UNC13C: variants seen among roughly 807,000 people sequenced by gnomAD.
UNC13C encodes the protein protein unc-13 homolog C.
In UNC13C, 174 loss-of-function variants were observed where a neutral mutation model predicts 245.4. The ratio of observed to expected loss-of-function variants is 0.71; its 90% CI spans 0.63 to 0.80. The LOEUF is 0.80. UNC13C is among the 30% of genes least tolerant of loss of function. The pLI, the probability that UNC13C is intolerant of heterozygous loss-of-function variation, is 0.00. For synonymous variants in UNC13C, 992 were observed against 895.1 expected (o/e 1.11, Z -1.93); for missense variants, 2,829 against 2,602.9 (o/e 1.09, Z -1.89).
intron 2 of UNC13C, among the ~76,000 whole-genome samples, chr15:54,129,518 T>C (rs1051760922): frequency 2.0e-5 from 3 of 152,134 alleles, no homozygotes; most frequent in South Asian, 2.1e-4. Flanking sequence ...TATTCTTTCA[T>C]AGGGAGAATT....
chr15:54,024,469 A>T (rs1416046749), intron 2 of UNC13C, among the ~76,000 whole-genome samples: 3 of 152,170 alleles, frequency 2.0e-5, no homozygotes, highest in African/African-American at 7.2e-5. Flanking sequence ...TTTGATGCTG[A>T]GTCCAAGGGA....
chr15:54,405,028 A>G (rs749516093), intron 18 of UNC13C, among the ~76,000 whole-genome samples: 1 of 152,130 alleles, frequency 6.6e-6, no homozygotes, highest in African/African-American at 2.4e-5. Flanking sequence ...TCTAAATAAT[A>G]TTTTCCTGTC....
intron 4 of UNC13C, among the ~76,000 whole-genome samples, chr15:54,169,886 C>T (rs995971346): frequency 1.3e-5 from 2 of 151,988 alleles, no homozygotes; most frequent in African/African-American, 2.4e-5. Flanking sequence ...CTTCAGGGAA[C>T]ATTTCGCAGT....
intron 2 of UNC13C, among the ~76,000 whole-genome samples, chr15:54,016,642 T>A (rs1895673435): frequency 6.6e-6 from 1 of 152,226 alleles, no homozygotes; most frequent in Non-Finnish European, 1.5e-5. Context: ...GGAACAACTT[T>A]GGATTATATA....
rs767857087 is a variant in UNC13C at position 54,264,414 on chromosome 15, A to C, written c.3676+19A>C. 2 of 1,537,408 alleles carry C rather than the reference A, an allele frequency of 1.3e-6. No individual in the cohort carries two copies. Among genetic ancestry groups the C allele is most frequent in the Admixed American group, 3.9e-5 (2 of 50,754 alleles). On this transcript the variant is annotated intron_variant, in intron 9 of 32. Coordinates refer to ENST00000260323, the MANE Select transcript of UNC13C (RefSeq NM_001080534.3). The stretch of plus-strand genomic sequence containing the variant: ...ATTACAGGTAAAAATAAGTCTTCTT[A>C]AAAATTTGTATTGTAAATTGAGATT...
intron 1 of UNC13C, among the ~76,000 whole-genome samples, chr15:54,008,664 C>G (rs1895248581): frequency 6.6e-6 from 1 of 152,052 alleles, no homozygotes; most frequent in Admixed American, 6.6e-5. Flanking sequence ...TCTCATCTAC[C>G]TTGAGTTTTT....
chr15:54,621,597 A>G (rs907372403), intron 30 of UNC13C, among the ~76,000 whole-genome samples: 7 of 152,194 alleles, frequency 4.6e-5, no homozygotes, highest in African/African-American at 1.7e-4. Flanking sequence ...AGTTTGGGGA[A>G]AAATGTGTAT....
chr15:54,323,903 G>T (rs1022929587), intron 14 of UNC13C, among the ~76,000 whole-genome samples: 2 of 152,026 alleles, frequency 1.3e-5, no homozygotes, highest in African/African-American at 4.8e-5. Flanking sequence ...AGAAAGATGT[G>T]TTTAAGTGAT....
rs529846567 is a variant in UNC13C at position 54,256,624 on chromosome 15, C to T, written c.3448+6180C>T. ...ATAGATGTTACTCACCCCATAGTCACTTAGTAGCTTTCTTGGTGATCAGAT... is the reference window on the plus strand; with the variant it reads ...ATAGATGTTACTCACCCCATAGTCATTTAGTAGCTTTCTTGGTGATCAGAT... On this transcript the variant is annotated intron_variant, in intron 8 of 32. Transcript: ENST00000260323. Among the ~76,000 whole-genome samples, 7 of 152,254 alleles carry T rather than the reference C, an allele frequency of 4.6e-5. No individual in the cohort carries two copies. The South Asian group carries it at 1.2e-3, about 27-fold the overall frequency.
chr15:54,509,784 A>G (rs1894653198), intron 23 of UNC13C, among the ~76,000 whole-genome samples: 1 of 152,182 alleles, frequency 6.6e-6, no homozygotes. Flanking sequence ...AATTTGTATA[A>G]TCTGTTCCCA....
At chr15:54,554,825 C>G (rs1015884446) in intron 28 of UNC13C, among the ~76,000 whole-genome samples, 2 of 151,830 alleles carry the variant, frequency 1.3e-5, no homozygotes, top group African/African-American at 4.8e-5. Context: ...TTGAAACAGA[C>G]CACAGTGAAC....
chr15:54,320,035 T>G (rs988191118), intron 13 of UNC13C, among the ~76,000 whole-genome samples: 1 of 152,004 alleles, frequency 6.6e-6, no homozygotes, highest in Non-Finnish European at 1.5e-5. Context: ...TAATTAAATC[T>G]TGTCTGTAAC....
At chr15:54,328,765 C>A (rs1312476505) in intron 14 of UNC13C, among the ~76,000 whole-genome samples, 1 of 151,968 alleles carries the variant, frequency 6.6e-6, no homozygotes, top group Non-Finnish European at 1.5e-5. Flanking sequence ...CACTAACTCA[C>A]CAACTGGTTT....
At chr15:53,942,402 T>C in the UNC13C span, among the ~76,000 whole-genome samples, 594 of 151,902 alleles carry the variant, frequency 3.9e-3, 4 homozygotes, top group Non-Finnish European at 5.3e-3. Context: ...GGCCTGTTGG[T>C]GGGGATGAGG....
the UNC13C span, among the ~76,000 whole-genome samples, chr15:53,856,824 G>A: frequency 6.6e-6 from 1 of 152,142 alleles, no homozygotes; most frequent in Non-Finnish European, 1.5e-5. Context: ...TTCAGGTCCT[G>A]AATATCTTTG....
At chr15:53,917,957 G>C in the UNC13C span, among the ~76,000 whole-genome samples, 1 of 152,168 alleles carries the variant, frequency 6.6e-6, no homozygotes, top group Non-Finnish European at 1.5e-5. Context: ...ATAATGTTGA[G>C]TTTAGCATGT....
upstream of UNC13C, among the ~76,000 whole-genome samples, chr15:53,976,356 C>T (rs935923939): frequency 3.9e-5 from 6 of 151,994 alleles, no homozygotes; most frequent in Admixed American, 3.3e-4. Flanking sequence ...CTAATGATTA[C>T]CACCCCTGGT....
intron 11 of UNC13C, among the ~76,000 whole-genome samples, chr15:54,295,843 C>T (rs2037415438): frequency 6.6e-6 from 1 of 152,164 alleles, no homozygotes; most frequent in Non-Finnish European, 1.5e-5. Flanking sequence ...TACCTACCCA[C>T]CCTCAGTAGT....
rs941539108 is a variant in UNC13C at position 54,323,104 on chromosome 15, C to T, written c.4425+1009C>T. ...TCCACTGCACTTCCAATTTAGTTTA[C>T]TGAATATATTTTTGTTACAGAGTAT... On this transcript the variant is annotated intron_variant, in intron 14 of 32. Coordinates refer to ENST00000260323, the MANE Select transcript of UNC13C (RefSeq NM_001080534.3). 2.0e-5 allele frequency among the ~76,000 whole-genome samples: 3 copies of T among 150,738 alleles called. No homozygotes were observed. In the East Asian group the frequency reaches 5.9e-4, roughly 30 times the overall value.
Sources: allele counts gnomAD v4.1 joint callset (sites outside exome capture counted in the v4.1 genomes callset), GRCh38; gene constraint gnomAD v4.1.1; transcripts MANE v1.5; gene names NCBI Gene and HGNC (gene_info 2026-07-23, HGNC 2026-07-21).